The following FRS2 variants were observed in gnomAD, a reference collection of about 807,000 sequenced individuals.
The protein encoded by FRS2 is FGFR signalling adaptor.
A neutral mutation model predicts 43.9 loss-of-function variants in FRS2; 8 were observed. The ratio of observed to expected loss-of-function variants is 0.18; its 90% CI spans 0.11 to 0.33. The LOEUF (loss-of-function observed/expected upper bound fraction) is 0.33, where lower values mean the gene tolerates loss of function less well. Ranked by LOEUF, FRS2 falls within the 10% of genes least tolerant of loss-of-function variation. The pLI is 1.00. For missense variants in FRS2, 534 were observed against 627.6 expected, an observed-to-expected ratio of 0.85 and a Z score of 1.59; for synonymous variants, 219 against 220.3, an observed-to-expected ratio of 0.99 and a Z score of 0.05.
chr12:69,555,680 G>T (rs1879276154), intron 3 of FRS2, among the ~76,000 whole-genome samples: 1 of 152,176 alleles, frequency 6.6e-6, no homozygotes, highest in Admixed American at 6.5e-5. Flanking sequence ...GGATGACTGT[G>T]GCACTTGAGT....
At chr12:69,501,711 G>A (rs61927231) in intron 1 of FRS2, among the ~76,000 whole-genome samples, 4,060 of 152,192 alleles carry the variant, frequency 0.027, 84 homozygotes, top group Non-Finnish European at 0.041. Context: ...CAGGATTCTC[G>A]AACTCTGGAG....
chr12:69,547,452 A>C (rs1878506121), intron 3 of FRS2, among the ~76,000 whole-genome samples: 1 of 152,060 alleles, frequency 6.6e-6, no homozygotes, highest in Non-Finnish European at 1.5e-5. Flanking sequence ...ACAGAGTGAG[A>C]CCCTGTCTCA....
intron 3 of FRS2, among the ~76,000 whole-genome samples, chr12:69,553,285 A>G (rs1276623435): frequency 2.0e-5 from 3 of 151,972 alleles, no homozygotes. Flanking sequence ...GTTAGCCAGG[A>G]TGGTCTCGAA....
chr12:69,529,333 T>C (rs905491306), intron 1 of FRS2, among the ~76,000 whole-genome samples: 1 of 152,134 alleles, frequency 6.6e-6, no homozygotes, highest in African/African-American at 2.4e-5. Context: ...TTTAAAATAC[T>C]AGAAGGTAGG....
intron 3 of FRS2, among the ~76,000 whole-genome samples, chr12:69,533,658 G>A (rs1207315331): frequency 6.6e-6 from 1 of 152,048 alleles, no homozygotes; most frequent in Non-Finnish European, 1.5e-5. Context: ...CATATTTCTA[G>A]TTTTGAGCAT....
intron 3 of FRS2, among the ~76,000 whole-genome samples, chr12:69,557,619 T>TGTGTGTGTGTGTGTGTGTGTGTGC (rs1555192498): frequency 1.8e-4 from 21 of 119,020 alleles, no homozygotes; most frequent in Admixed American, 4.2e-4. Flanking sequence ...TGTGTGTGTG[T>TGTGTGTGTGTGTGTGTGTGTGTGC]GCGCGCGCGC....
intron 4 of FRS2, among the ~76,000 whole-genome samples, chr12:69,564,762 A>T (rs563343897): frequency 2.2e-4 from 34 of 152,162 alleles, no homozygotes; most frequent in Non-Finnish European, 4.3e-4. Context: ...TAAATTTATC[A>T]TACATATGTT....
At chr12:69,552,819 G>T (rs191047611) in intron 3 of FRS2, among the ~76,000 whole-genome samples, 1 of 152,022 alleles carries the variant, frequency 6.6e-6, no homozygotes, top group East Asian at 1.9e-4. Context: ...TTGAACCCAG[G>T]GGGCAGAGGT....
At chr12:69,526,126 G>C (rs897299890) in intron 1 of FRS2, among the ~76,000 whole-genome samples, 1 of 152,076 alleles carries the variant, frequency 6.6e-6, no homozygotes, top group African/African-American at 2.4e-5. Context: ...CAAAGTGCTG[G>C]GATTACAGGT....
At position 69,492,601 on chromosome 12, in the gene FRS2, G is replaced by A. The variant is rs1050342822; in HGVS notation, c.-261+22071G>A. Among the ~76,000 whole-genome samples, 4 of 152,212 alleles carry A rather than the reference G, an allele frequency of 2.6e-5. No individual in the cohort carries two copies. In the South Asian group the frequency reaches 8.3e-4, roughly 32 times the overall value. On this transcript the variant is annotated intron_variant, in intron 1 of 8. Transcript: ENST00000549921. ...TCTCATATATTTTTGGGGGGCAAGCGAGTGGTTACTGTTGAAGTCACTTTA... is the reference window on the plus strand; with the variant it reads ...TCTCATATATTTTTGGGGGGCAAGCAAGTGGTTACTGTTGAAGTCACTTTA...
At chr12:69,522,718 T>A (rs1198128580) in intron 1 of FRS2, among the ~76,000 whole-genome samples, 1 of 152,182 alleles carries the variant, frequency 6.6e-6, no homozygotes, top group African/African-American at 2.4e-5. Flanking sequence ...CTGACTTTTT[T>A]ATGTGAGCAT....
At chr12:69,518,713 TAAAAA>T (rs71094718) in intron 1 of FRS2, among the ~76,000 whole-genome samples, 4 of 143,498 alleles carry the variant, frequency 2.8e-5, no homozygotes, top group Non-Finnish European at 6.1e-5. Context: ...AACCCTGTCT[TAAAAA>T]AAAAAAAAGT....
At chr12:69,519,394 A>G (rs1875397114) in intron 1 of FRS2, among the ~76,000 whole-genome samples, 2 of 152,212 alleles carry the variant, frequency 1.3e-5, no homozygotes, top group African/African-American at 4.8e-5. Context: ...ACATAGAAGA[A>G]AACTCACTCT....
chr12:69,545,780 AAAAAC>A (rs1243246178), intron 3 of FRS2, among the ~76,000 whole-genome samples: 5 of 109,584 alleles, frequency 4.6e-5, no homozygotes, highest in South Asian at 5.6e-4. Context: ...AAAAAAAAAC[AAAAAC>A]AAAAACCCAG....
intron 1 of FRS2, among the ~76,000 whole-genome samples, chr12:69,511,854 A>G (rs1874487856): frequency 6.6e-6 from 1 of 152,232 alleles, no homozygotes; most frequent in African/African-American, 2.4e-5. Context: ...AAAAACAAAA[A>G]ATACCTCAGT....
rs148551642 is a variant in FRS2, at chr12:69,472,633, T to C, written c.-261+2103T>C. On this transcript the variant is annotated intron_variant, in intron 1 of 8. Transcript: ENST00000549921. ...AGATACTGATTGTATTTTTATATTA[T>C]ACAAGTCAATTCAACAAACACTGAG... Among the ~76,000 whole-genome samples, 55 of 152,314 alleles carry C rather than the reference T, an allele frequency of 3.6e-4. 1 individual carries two copies. The East Asian group carries it at 9.5e-3, about 26-fold the overall frequency.
At chr12:69,521,448 AGTG>A (rs928491278) in intron 1 of FRS2, among the ~76,000 whole-genome samples, 6 of 152,152 alleles carry the variant, frequency 3.9e-5, no homozygotes, top group African/African-American at 1.4e-4. Flanking sequence ...GTTGAATAGA[AGTG>A]GTGGCAAGAG....
At chr12:69,472,292 T>C (rs1320054106) in intron 1 of FRS2, among the ~76,000 whole-genome samples, 1 of 147,082 alleles carries the variant, frequency 6.8e-6, no homozygotes, top group Non-Finnish European at 1.5e-5. Context: ...GAGGTTTCAC[T>C]ATGTTGCCCA....
At chr12:69,559,725 T>C (rs1376173001) in intron 3 of FRS2, among the ~76,000 whole-genome samples, 1 of 152,044 alleles carries the variant, frequency 6.6e-6, no homozygotes, top group Non-Finnish European at 1.5e-5. Context: ...TTCAGAAATC[T>C]TTGTCAGTGT....
Sources: allele counts gnomAD v4.1 joint callset (sites outside exome capture counted in the v4.1 genomes callset), GRCh38; gene constraint gnomAD v4.1.1; transcripts MANE v1.5; gene names NCBI Gene and HGNC (gene_info 2026-07-23, HGNC 2026-07-21).